Variants in CRK observed in about 807,000 individuals in gnomAD.
The protein encoded by CRK is CRK proto-oncogene, adaptor protein, also known as adapter molecule crk.
A neutral mutation model predicts 29.8 loss-of-function variants in CRK; 4 were observed. The ratio of observed to expected loss-of-function variants is 0.13; its 90% CI spans 0.07 to 0.31. The LOEUF (loss-of-function observed/expected upper bound fraction) is 0.31. Among genes scored for constraint, CRK ranks in the 10% least tolerant of loss-of-function variants. The pLI, the probability that CRK is intolerant of heterozygous loss-of-function variation, is 1.00. For synonymous variants in CRK, 153 were observed against 164.9 expected (o/e 0.93, Z 0.55); for missense variants, 274 against 396.5 (o/e 0.69, Z 2.62).
At chr17:1,446,783 CG>C (rs1447828437) in intron 1 of CRK, among the ~76,000 whole-genome samples, 5 of 151,606 alleles carry the variant, frequency 3.3e-5, no homozygotes, top group African/African-American at 1.2e-4. Context: ...CTAGTAGAGA[CG>C]GGGTTTCACC....
At chr17:1,428,136 T>TAA (rs752576748) in intron 2 of CRK, among the ~76,000 whole-genome samples, 2 of 145,342 alleles carry the variant, frequency 1.4e-5, no homozygotes, top group Non-Finnish European at 3.0e-5. Context: ...TTTTTTTTTT[T>TAA]AATGGAGTTT....
At chr17:1,442,295 T>C (rs2073941273) in intron 1 of CRK, among the ~76,000 whole-genome samples, 1 of 151,788 alleles carries the variant, frequency 6.6e-6, no homozygotes, top group Non-Finnish European at 1.5e-5. Context: ...ACTGGGACTA[T>C]AGGCGCACAC....
At chr17:1,435,114 C>G (rs2073877195) in intron 2 of CRK, among the ~76,000 whole-genome samples, 1 of 152,048 alleles carries the variant, frequency 6.6e-6, no homozygotes, top group African/African-American at 2.4e-5. Flanking sequence ...GGCTGGAGTG[C>G]AGTGTCATGA....
intron 2 of CRK, among the ~76,000 whole-genome samples, chr17:1,430,602 T>C (rs984363794): frequency 2.2e-5 from 3 of 137,410 alleles, no homozygotes; most frequent in African/African-American, 5.5e-5. Context: ...CCTGACCTCG[T>C]GATCCGCCCG....
intron 2 of CRK, among the ~76,000 whole-genome samples, chr17:1,427,030 C>CCA (rs2073785684): frequency 2.8e-5 from 1 of 35,290 alleles, no homozygotes. Context: ...AAACTGTCTC[C>CCA]AAAAAAAAAA....
At chr17:1,448,495 C>T (rs1021739858) in intron 1 of CRK, among the ~76,000 whole-genome samples, 3 of 151,522 alleles carry the variant, frequency 2.0e-5, no homozygotes, top group Admixed American at 6.6e-5. Flanking sequence ...TGGTGGTGCA[C>T]GCCTGTAGTC....
At chr17:1,437,336 AC>A (rs2073894564) in intron 1 of CRK, among the ~76,000 whole-genome samples, 181 bp from the exon 2 acceptor site, 1 of 151,976 alleles carries the variant, frequency 6.6e-6, no homozygotes, top group Non-Finnish European at 1.5e-5. Context: ...ACAGGAGCCC[AC>A]CACTGTGCCT....
Position 1,450,146 on chromosome 17 carries a change from A to G in CRK, c.241+5731T>C, listed in dbSNP as rs192179457. On this transcript the variant is annotated intron_variant, in intron 1 of 2. Coordinates refer to ENST00000300574, the MANE Select transcript of CRK (RefSeq NM_016823.4). Reference sequence around the variant, plus strand: ...GCTTGACCCGGGAGGGGGAGGTTGCAGTGAGCTGAGATCGTCCCACTGCAC... The same window carrying G: ...GCTTGACCCGGGAGGGGGAGGTTGCGGTGAGCTGAGATCGTCCCACTGCAC... Among the ~76,000 whole-genome samples the G allele has an allele frequency of 5.4e-3, 824 of 152,278 alleles. 12 individuals are homozygous for G. Among genetic ancestry groups the G allele is most frequent in the African/African-American group, 0.019 (773 of 41,580 alleles).
Position 1,456,216 on chromosome 17 carries a change from A to T in CRK, c.-99T>A. 2 of 1,305,764 alleles carry T rather than the reference A, an allele frequency of 1.5e-6. No homozygotes were observed. Among genetic ancestry groups the T allele is most frequent in the Non-Finnish European group, 1.9e-6 (2 of 1,028,056 alleles). 80.9% of individuals were successfully genotyped at this position (1,305,764 alleles called of 1,614,324 possible). The stretch of plus-strand genomic sequence containing the variant: ...GCGGACCGGCTCCGGTTTCAGCTTC[A>T]CAGCAGCGCCCGAAATGGCGGCGGC... On this transcript the variant is annotated 5_prime_UTR_variant, in exon 1 of 3. Coordinates refer to ENST00000300574, the MANE Select transcript of CRK (RefSeq NM_016823.4).
intron 1 of CRK, among the ~76,000 whole-genome samples, chr17:1,445,299 C>T (rs954844566): frequency 1.2e-4 from 18 of 152,096 alleles, no homozygotes; most frequent in South Asian, 2.1e-4. Context: ...GAAGGAGAGC[C>T]GTACATTTTT....
chr17:1,433,983 A>C (rs1171366359), intron 2 of CRK, among the ~76,000 whole-genome samples: 1 of 152,054 alleles, frequency 6.6e-6, no homozygotes, highest in Non-Finnish European at 1.5e-5. Flanking sequence ...TACAGGCGTA[A>C]GTCACAGCAC....
At chr17:1,441,334 T>A (rs540546931) in intron 1 of CRK, among the ~76,000 whole-genome samples, 1 of 152,194 alleles carries the variant, frequency 6.6e-6, no homozygotes, top group African/African-American at 2.4e-5. Context: ...CATGATTTTG[T>A]TATTTCTTTT....
At chr17:1,444,202 C>A (rs1278285287) in intron 1 of CRK, among the ~76,000 whole-genome samples, 3 of 152,102 alleles carry the variant, frequency 2.0e-5, no homozygotes, top group Non-Finnish European at 4.4e-5. Context: ...GACACCATCA[C>A]TGCACACTGT....
rs2073721745 is a variant in CRK at position 1,421,273 on chromosome 17, G to C, written c.*2240C>G. On this transcript the variant is annotated 3_prime_UTR_variant, in exon 3 of 3. Coordinates refer to ENST00000300574, the MANE Select transcript of CRK (RefSeq NM_016823.4). ...CATATGATGAAAAGAGACATTACAA[G>C]CCAATATCAAAGTCAAAGGAAAAGA... The C allele has an allele frequency of 1.6e-5, 2 of 125,674 alleles. No individual in the cohort carries two copies. Among genetic ancestry groups the C allele is most frequent in the African/African-American group, 5.4e-5 (2 of 37,274 alleles). 7.8% of individuals were successfully genotyped at this position (125,674 alleles called of 1,614,324 possible).
chr17:1,431,017 G>A (rs911117357), intron 2 of CRK, among the ~76,000 whole-genome samples: 11 of 151,728 alleles, frequency 7.2e-5, no homozygotes, highest in South Asian at 4.2e-4. Context: ...GCAGTGAGCC[G>A]AGATCACGCA....
At chr17:1,438,130 G>T (rs1406929218) in intron 1 of CRK, among the ~76,000 whole-genome samples, 1 of 151,980 alleles carries the variant, frequency 6.6e-6, no homozygotes, top group Non-Finnish European at 1.5e-5. Context: ...ATCTCTTGTT[G>T]TGGTTTTCGT....
At chr17:1,438,124 CTTG>C (rs1270912528) in intron 1 of CRK, among the ~76,000 whole-genome samples, 7 of 152,038 alleles carry the variant, frequency 4.6e-5, no homozygotes, top group Admixed American at 3.3e-4. Context: ...AAAACTATCT[CTTG>C]TTGTGGTTTT....
intron 1 of CRK, among the ~76,000 whole-genome samples, chr17:1,444,290 C>T (rs536912819): frequency 1.6e-4 from 25 of 152,282 alleles, no homozygotes; most frequent in East Asian, 1.5e-3. Context: ...TGCACCACCA[C>T]GCCCAGCTAA....
At chr17:1,447,330 C>G (rs1454745755) in intron 1 of CRK, among the ~76,000 whole-genome samples, 1 of 151,828 alleles carries the variant, frequency 6.6e-6, no homozygotes, top group Non-Finnish European at 1.5e-5. Context: ...GTGCTGGATT[C>G]TGAACGTGGA....
Sources: allele counts gnomAD v4.1 joint callset (sites outside exome capture counted in the v4.1 genomes callset), GRCh38; gene constraint gnomAD v4.1.1; transcripts MANE v1.5; gene names NCBI Gene and HGNC (gene_info 2026-07-23, HGNC 2026-07-21).